Variants in SMCHD1 observed in about 807,000 individuals in gnomAD.
SMCHD1 encodes the protein structural maintenance of chromosomes flexible hinge domain containing 1.
In SMCHD1, 78 loss-of-function variants were observed where a neutral mutation model predicts 254.7. The observed-to-expected ratio is 0.31, with a 90% confidence interval of 0.26 to 0.37. The LOEUF is 0.37. SMCHD1 is among the 10% of genes least tolerant of loss of function. The probability of loss-of-function intolerance (pLI) is 1.00; values close to 1 mark genes in which losing one functional copy is unlikely to be tolerated. For synonymous variants in SMCHD1, 766 were observed against 794.9 expected (o/e 0.96, Z 0.61); for missense variants, 1,840 against 2,408.1 (o/e 0.76, Z 4.94).
At chr18:2,663,950 C>G (rs569155855) in intron 1 of SMCHD1, among the ~76,000 whole-genome samples, 4 of 151,976 alleles carry the variant, frequency 2.6e-5, no homozygotes, top group African/African-American at 9.7e-5. Context: ...CTCCTGCCCT[C>G]GTGATCCACC....
intron 1 of SMCHD1, among the ~76,000 whole-genome samples, chr18:2,660,682 C>CA (rs1207144865): frequency 3.3e-5 from 5 of 149,424 alleles, no homozygotes; most frequent in Admixed American, 3.3e-4. Context: ...CCATGTTGGC[C>CA]AGGGTGGTCT....
chr18:2,732,502 T>C lies in SMCHD1; in HGVS notation c.3276+10T>C. ...AGCAGAAAAAATTAAAGTAAGTATC[T>C]CTAACAGATTGGTTATTTGTAAGAA... On this transcript the variant is annotated intron_variant, in intron 25 of 47. Coordinates refer to ENST00000320876, the MANE Select transcript of SMCHD1 (RefSeq NM_015295.3). 6.6e-7 allele frequency: 1 copy of C among 1,514,234 alleles called. No homozygotes were observed. The highest frequency in any genetic ancestry group is 9.0e-7 in the Non-Finnish European group (1 of 1,105,670). The allele number at this position is 1,514,234 out of a possible 1,614,324, so 93.8% of individuals were successfully genotyped here. A position where few individuals can be genotyped will look rare whatever the true frequency, so the allele number is the denominator to read the frequency against.
In SMCHD1 at chr18:2,717,885, A is replaced by G. The variant is rs17551281; in HGVS notation, c.2261-273A>G. On this transcript the variant is annotated intron_variant, in intron 17 of 47. Coordinates refer to ENST00000320876, the MANE Select transcript of SMCHD1 (RefSeq NM_015295.3). ...AGGAATTTTTTGGAGAGGTCATGTTATTTGTCTTCTGTTGTCTTCCTTTCT... is the reference window on the plus strand; with the variant it reads ...AGGAATTTTTTGGAGAGGTCATGTTGTTTGTCTTCTGTTGTCTTCCTTTCT... Among the ~76,000 whole-genome samples, 29,314 of 151,894 alleles carry G rather than the reference A, an allele frequency of 0.19. 3,092 individuals are homozygous for G. The highest frequency in any genetic ancestry group is 0.27 in the South Asian group (1,304 of 4,820).
At chr18:2,745,577 C>A (rs544116315) in intron 29 of SMCHD1, among the ~76,000 whole-genome samples, 1 of 151,996 alleles carries the variant, frequency 6.6e-6, no homozygotes, top group Non-Finnish European at 1.5e-5. Flanking sequence ...GGAGCACTTA[C>A]AAAACATAAA....
chr18:2,743,093 T>C (rs1472300348), intron 28 of SMCHD1, among the ~76,000 whole-genome samples: 2 of 152,190 alleles, frequency 1.3e-5, no homozygotes, highest in East Asian at 3.8e-4. Flanking sequence ...GGGTCACCAT[T>C]AAAATACAAA....
intron 45 of SMCHD1, among the ~76,000 whole-genome samples, chr18:2,786,280 G>A (rs189233591): frequency 2.0e-5 from 3 of 152,250 alleles, no homozygotes; most frequent in South Asian, 2.1e-4. Flanking sequence ...GTGAGGCACC[G>A]TGTCTGGCCA....
At chr18:2,683,467 G>A (rs530291634) in intron 5 of SMCHD1, among the ~76,000 whole-genome samples, 50 of 152,052 alleles carry the variant, frequency 3.3e-4, no homozygotes, top group Non-Finnish European at 5.7e-4. Context: ...GTGTAATTTC[G>A]TGATAGCTAG....
At chr18:2,765,249 ATC>A (rs1243429648) in intron 37 of SMCHD1, among the ~76,000 whole-genome samples, 86 of 152,140 alleles carry the variant, frequency 5.7e-4, no homozygotes, top group African/African-American at 2.0e-3. Flanking sequence ...TCACAGTGCT[ATC>A]TCTGATATCC....
chr18:2,659,084 C>T (rs146005180), intron 1 of SMCHD1, among the ~76,000 whole-genome samples: 1 of 152,154 alleles, frequency 6.6e-6, no homozygotes, highest in East Asian at 1.9e-4. Context: ...TTTGTAGTGT[C>T]AGGCAGTATT....
At chr18:2,701,154 A>AT in intron 12 of SMCHD1, 24 of 281,798 alleles carry the variant, frequency 8.5e-5, no homozygotes, top group East Asian at 2.3e-4. Context: ...TATCTTCATT[A>AT]GTTTTTTTTG....
chr18:2,795,897 G>A, intron 45 of SMCHD1, 52 bp from the exon 46 acceptor site: 2 of 1,479,266 alleles, frequency 1.4e-6, no homozygotes. Flanking sequence ...CCTAAAACAT[G>A]AGTTTGGTTT....
chr18:2,692,202 A>C (rs182973308), intron 7 of SMCHD1, among the ~76,000 whole-genome samples: 7 of 152,292 alleles, frequency 4.6e-5, no homozygotes, highest in Middle Eastern at 3.4e-3. Flanking sequence ...TCCAGGTTCA[A>C]TTAGATGTTC....
intron 36 of SMCHD1, among the ~76,000 whole-genome samples, chr18:2,762,875 G>C (rs1241211200): frequency 6.6e-6 from 1 of 152,118 alleles, no homozygotes; most frequent in Non-Finnish European, 1.5e-5. Flanking sequence ...TCAATGTCCG[G>C]TTCACTGAGG....
chr18:2,755,565 C>CTTT lies in SMCHD1; in HGVS notation c.4346+3031_4346+3033dup, dbSNP rs11413061. On this transcript the variant is annotated intron_variant, in intron 34 of 47. Transcript: ENST00000320876. Reference sequence around the variant, plus strand: ...TTGTGTATTTTCTTTTTCTTTCTTTCTTTTTTTTTTTTTTTTTTTTGAGAT... The same window carrying CTTT: ...TTGTGTATTTTCTTTTTCTTTCTTTCTTTTTTTTTTTTTTTTTTTTTTTGAGAT... Among the ~76,000 whole-genome samples the CTTT allele has an allele frequency of 5.1e-4, 55 of 108,164 alleles. 1 individual carries two copies. Among genetic ancestry groups the CTTT allele is most frequent in the African/African-American group, 1.2e-3 (31 of 26,262 alleles). The allele number at this position is 108,164 out of a possible 152,430, so 71.0% of individuals were successfully genotyped here.
At chr18:2,714,637 T>C (rs1054693737) in intron 17 of SMCHD1, among the ~76,000 whole-genome samples, 7 of 152,142 alleles carry the variant, frequency 4.6e-5, no homozygotes, top group African/African-American at 1.4e-4. Flanking sequence ...AATTGTTTTA[T>C]AATACCTGTG....
In SMCHD1 at chr18:2,744,051, T is replaced by C. The variant is rs118141308; in HGVS notation, c.3801+123T>C. 11,096 of 801,832 alleles carry C rather than the reference T, an allele frequency of 0.014. 99 individuals carry two copies. The highest frequency in any genetic ancestry group is 0.017 in the Non-Finnish European group (9,112 of 543,876). The allele number at this position is 801,832 out of a possible 1,614,324, so 49.7% of individuals were successfully genotyped here. A position where few individuals can be genotyped will look rare whatever the true frequency, so the allele number is the denominator to read the frequency against. ...AGTAACAACTAACAGTTGTTAACAG[T>C]AAAAATAACAAAAAAGCAAGGTAAT... On this transcript the variant is annotated intron_variant, in intron 29 of 47. Transcript: ENST00000320876.
intron 1 of SMCHD1, among the ~76,000 whole-genome samples, chr18:2,662,512 G>A (rs2073312092): frequency 6.6e-6 from 1 of 151,808 alleles, no homozygotes; most frequent in African/African-American, 2.4e-5. Flanking sequence ...AGGTGTGGTG[G>A]CACACGCCTG....
chr18:2,725,032 G>A lies in SMCHD1; in HGVS notation c.2700+37G>A, dbSNP rs2074998790. 5.0e-6 allele frequency: 6 copies of A among 1,194,762 alleles called. No homozygotes were observed. In the South Asian group the frequency reaches 1.0e-4, roughly 20 times the overall value. The allele number at this position is 1,194,762 out of a possible 1,614,324, so 74.0% of individuals were successfully genotyped here. On this transcript the variant is annotated intron_variant, in intron 21 of 47. Transcript: ENST00000320876. The stretch of plus-strand genomic sequence containing the variant: ...GTATAGATCCTATGATACTTGTTAA[G>A]TATTTATTTATCATATGGTAAGAAT...
rs1326468644 is a variant in SMCHD1, at chr18:2,708,878, A to ATG, written c.2260+959_2260+960insGT. The stretch of plus-strand genomic sequence containing the variant: ...ATTTTCAATAACTTCATATATATAT[A>ATG]TATATATATATATATATATATATAT... On this transcript the variant is annotated intron_variant, in intron 17 of 47. Coordinates refer to ENST00000320876, the MANE Select transcript of SMCHD1 (RefSeq NM_015295.3). 3.6e-3 allele frequency among the ~76,000 whole-genome samples: 203 copies of ATG among 56,756 alleles called. 5 individuals carry two copies. Among genetic ancestry groups the ATG allele is most frequent in the African/African-American group, 0.019 (193 of 10,144 alleles). The allele number at this position is 56,756 out of a possible 152,430, so 37.2% of individuals were successfully genotyped here.
Sources: allele counts gnomAD v4.1 joint callset (sites outside exome capture counted in the v4.1 genomes callset), GRCh38; gene constraint gnomAD v4.1.1; transcripts MANE v1.5; gene names NCBI Gene and HGNC (gene_info 2026-07-23, HGNC 2026-07-21).